Variants in STXBP4 observed in about 807,000 individuals in gnomAD.
The protein encoded by STXBP4 is syntaxin-binding protein 4.
A neutral mutation model predicts 76.1 loss-of-function variants in STXBP4; 55 were observed. The ratio of observed to expected loss-of-function variants is 0.72; its 90% confidence interval spans 0.58 to 0.91. The LOEUF is 0.91. Among genes scored for constraint, STXBP4 ranks in the 40% least tolerant of loss-of-function variants. The pLI, the probability that STXBP4 is intolerant of heterozygous loss-of-function variation, is 0.00. For synonymous variants in STXBP4, 201 were observed against 220.2 expected, an observed-to-expected ratio of 0.91 and a Z score of 0.77; for missense variants, 618 against 636.9, an observed-to-expected ratio of 0.97 and a Z score of 0.32.
At chr17:55,020,340 T>C (rs1363478392) in intron 8 of STXBP4, among the ~76,000 whole-genome samples, 2 of 152,236 alleles carry the variant, frequency 1.3e-5, no homozygotes, top group Non-Finnish European at 2.9e-5. Context: ...AGTATTGTTA[T>C]AATATATTTT....
At chr17:55,017,353 G>A (rs1352736968) in intron 8 of STXBP4, among the ~76,000 whole-genome samples, 2 of 152,054 alleles carry the variant, frequency 1.3e-5, no homozygotes, top group Non-Finnish European at 2.9e-5. Flanking sequence ...TGCCCATGTC[G>A]AGAGCTGTAT....
intron 8 of STXBP4, among the ~76,000 whole-genome samples, chr17:55,022,320 C>T (rs917170748): frequency 3.3e-5 from 5 of 151,606 alleles, no homozygotes; most frequent in Non-Finnish European, 7.4e-5. Flanking sequence ...TTTTATTCTA[C>T]CCTACTCCTT....
Position 55,159,840 on chromosome 17 carries a change from G to A in STXBP4, c.1591G>A (p.Val531Ile), listed in dbSNP as rs1390800232. 4 of 1,613,766 alleles carry A rather than the reference G, an allele frequency of 2.5e-6. No homozygotes were observed. Among genetic ancestry groups the A allele is most frequent in the Non-Finnish European group, 3.4e-6 (4 of 1,179,856 alleles). ...TTSWIHPVMS[V>I]LNLSRSEENE... Reference sequence around the variant, plus strand: ...ATCCTGGATCCATCCCGTGATGAGTGTCCTGAATCTATCTCGCTCAGAGGA... The same window carrying A: ...ATCCTGGATCCATCCCGTGATGAGTATCCTGAATCTATCTCGCTCAGAGGA... The change falls in exon 18 of 18, where the codon GTC (valine) becomes ATC (isoleucine). Residue 531 changes from valine (V) to isoleucine (I), a missense_variant. By Grantham distance (29) the Val-to-Ile change is conservative (BLOSUM62 3). Transcript: ENST00000376352.
chr17:55,119,817 T>C (rs1344975881), intron 16 of STXBP4, among the ~76,000 whole-genome samples: 1 of 152,082 alleles, frequency 6.6e-6, no homozygotes, highest in African/African-American at 2.4e-5. Context: ...CTTACAATAT[T>C]AGTTAATTCC....
intron 16 of STXBP4, among the ~76,000 whole-genome samples, chr17:55,134,007 T>A (rs1191915643): frequency 6.6e-6 from 1 of 152,164 alleles, no homozygotes; most frequent in African/African-American, 2.4e-5. Context: ...TAATTTTTTT[T>A]AAGATAGAAG....
intron 8 of STXBP4, among the ~76,000 whole-genome samples, chr17:55,012,073 T>C (rs1424922031): frequency 2.0e-5 from 3 of 152,198 alleles, no homozygotes; most frequent in African/African-American, 4.8e-5. Flanking sequence ...GAACTATTTA[T>C]GGTTTTACAG....
intron 3 of STXBP4, among the ~76,000 whole-genome samples, chr17:54,987,946 T>C (rs943616549): frequency 6.6e-6 from 1 of 152,136 alleles, no homozygotes; most frequent in Non-Finnish European, 1.5e-5. Context: ...TCTCTTATTA[T>C]GAGTAAAGTT....
intron 16 of STXBP4, among the ~76,000 whole-genome samples, chr17:55,132,778 G>T (rs1362652703): frequency 1.3e-5 from 2 of 152,114 alleles, no homozygotes; most frequent in East Asian, 1.9e-4. Flanking sequence ...AAGGGAGCTG[G>T]CTCTTTTATG....
At chr17:55,066,029 T>C (rs1380494010) in intron 12 of STXBP4, among the ~76,000 whole-genome samples, 1 of 152,196 alleles carries the variant, frequency 6.6e-6, no homozygotes, top group Non-Finnish European at 1.5e-5. Flanking sequence ...AGAAAATCTT[T>C]GTTTCTTGAA....
chr17:55,200,649 C>T, the STXBP4 span, among the ~76,000 whole-genome samples: 1 of 152,178 alleles, frequency 6.6e-6, no homozygotes, highest in Non-Finnish European at 1.5e-5. Flanking sequence ...CCTCACCCTA[C>T]CCTCCTCCCT....
chr17:55,071,144 A>T (rs2079114595), intron 12 of STXBP4, among the ~76,000 whole-genome samples: 1 of 152,078 alleles, frequency 6.6e-6, no homozygotes, highest in Non-Finnish European at 1.5e-5. Flanking sequence ...TCTACAGTCT[A>T]TTCTCAACAC....
intron 16 of STXBP4, among the ~76,000 whole-genome samples, chr17:55,098,332 G>T (rs2079520048): frequency 6.6e-6 from 1 of 152,060 alleles, no homozygotes; most frequent in South Asian, 2.1e-4. Context: ...AAATAATAAA[G>T]AAGTTTATGT....
chr17:54,972,738 A>T (rs2077418642), intron 1 of STXBP4, among the ~76,000 whole-genome samples: 1 of 152,206 alleles, frequency 6.6e-6, no homozygotes, highest in Non-Finnish European at 1.5e-5. Flanking sequence ...AGTGTTCATT[A>T]CTAGCCTCTC....
rs547975313 is a variant in STXBP4 at position 55,002,409 on chromosome 17, G to A, written c.574+1526G>A. The stretch of plus-strand genomic sequence containing the variant: ...GATATTTTCTGTGAGATACTTAATA[G>A]TATATTGTGAAATAAAACATGGGGC... On this transcript the variant is annotated intron_variant, in intron 7 of 17. Coordinates refer to ENST00000376352, the MANE Select transcript of STXBP4 (RefSeq NM_178509.6). 5.3e-5 allele frequency among the ~76,000 whole-genome samples: 8 copies of A among 152,230 alleles called. No homozygotes were observed. The South Asian group carries it at 1.7e-3, about 32-fold the overall frequency.
At chr17:55,000,759 T>A (rs778462955) in intron 6 of STXBP4, 49 bp from the exon 7 acceptor site, 1 of 1,196,890 alleles carries the variant, frequency 8.4e-7, no homozygotes, top group Non-Finnish European at 1.2e-6. Context: ...GGGCTTCAAG[T>A]GACCTACTTT....
At chr17:54,998,579 A>G (rs911394887) in intron 4 of STXBP4, among the ~76,000 whole-genome samples, 1 of 152,244 alleles carries the variant, frequency 6.6e-6, no homozygotes, top group African/African-American at 2.4e-5. Flanking sequence ...TAGAATTGTC[A>G]TTATTAGCAG....
At chr17:54,974,264 G>T (rs2077438243) in intron 1 of STXBP4, among the ~76,000 whole-genome samples, 1 of 152,132 alleles carries the variant, frequency 6.6e-6, no homozygotes, top group Admixed American at 6.5e-5. Context: ...AAAAGAATAA[G>T]AATAATGTAT....
At chr17:55,095,789 A>G (rs1290400867) in intron 16 of STXBP4, among the ~76,000 whole-genome samples, 2 of 152,180 alleles carry the variant, frequency 1.3e-5, no homozygotes, top group Non-Finnish European at 2.9e-5. Flanking sequence ...AGCTCATAGA[A>G]CTTAATGATT....
rs2080388351 is a variant in STXBP4 at position 55,168,278 on chromosome 17, A to T, written c.*8367A>T. ...CACACACACACACACGTATTGGAGG[A>T]ATAAGAAATATTTAATAAAATCTAC... On this transcript the variant is annotated 3_prime_UTR_variant, in exon 18 of 18. Transcript: ENST00000376352. The T allele has an allele frequency of 6.6e-6, 1 of 151,696 alleles. No homozygotes were observed. Among genetic ancestry groups the T allele is most frequent in the Admixed American group, 6.6e-5 (1 of 15,232 alleles). 9.4% of individuals were successfully genotyped at this position (151,696 alleles called of 1,614,324 possible).
Sources: allele counts gnomAD v4.1 joint callset (sites outside exome capture counted in the v4.1 genomes callset), GRCh38; gene constraint gnomAD v4.1.1; transcripts MANE v1.5; gene names NCBI Gene and HGNC (gene_info 2026-07-23, HGNC 2026-07-21).